Variants in AGPAT4 observed in about 807,000 individuals in gnomAD.
AGPAT4 encodes 1-acyl-sn-glycerol-3-phosphate acyltransferase delta.
Under a neutral mutation model 48.0 loss-of-function variants are expected in AGPAT4, and 15 were observed. The ratio of observed to expected loss-of-function variants is 0.31; its 90% CI spans 0.21 to 0.48. AGPAT4 has a LOEUF of 0.48. Among genes scored for constraint, AGPAT4 ranks in the 20% least tolerant of loss-of-function variants. The pLI, the probability that AGPAT4 is intolerant of heterozygous loss-of-function variation, is 0.99. For synonymous variants in AGPAT4, 178 were observed against 198.7 expected (o/e 0.90, Z 0.88); for missense variants, 314 against 482.5 (o/e 0.65, Z 3.27).
In AGPAT4 at chr6:161,267,739, GA is replaced by G. The variant is rs1783306385; in HGVS notation, c.-90+6198del. Among the ~76,000 whole-genome samples the G allele has an allele frequency of 6.6e-6, 1 of 151,700 alleles. No individual in the cohort carries two copies. Among genetic ancestry groups the G allele is most frequent in the Non-Finnish European group, 1.5e-5 (1 of 67,924 alleles). ...CTCTGTCTCAAAAAAAAAAAGAAAA[GA>G]AAAATATTAGCTGGGCATGTTAGTA... On this transcript the variant is annotated intron_variant, in intron 1 of 8. Transcript: ENST00000320285. The surrounding 1 kb of genome is among the most constrained non-coding windows in gnomAD (Gnocchi z 5.2).
In AGPAT4 at chr6:161,255,056, T is replaced by C. The variant is rs1450423178; in HGVS notation, c.-90+18882A>G. ...TTACACAGCCCTTCTGAAGCAAAGATACACTAAGTCTAGACAGGCCCTGGT... is the reference window on the plus strand; with the variant it reads ...TTACACAGCCCTTCTGAAGCAAAGACACACTAAGTCTAGACAGGCCCTGGT... On this transcript the variant is annotated intron_variant, in intron 1 of 8. Transcript: ENST00000320285. The surrounding 1 kb of genome is among the most constrained non-coding windows in gnomAD (Gnocchi z 4.7). 6.6e-6 allele frequency among the ~76,000 whole-genome samples: 1 copy of C among 152,170 alleles called. No homozygotes were observed. Among genetic ancestry groups the C allele is most frequent in the Non-Finnish European group, 1.5e-5 (1 of 68,028 alleles).
At position 161,178,103 on chromosome 6, in the gene AGPAT4, C is replaced by T. The variant is rs1164090933; in HGVS notation, c.179-11686G>A. 6.6e-6 allele frequency among the ~76,000 whole-genome samples: 1 copy of T among 152,186 alleles called. No individual in the cohort carries two copies. The highest frequency in any genetic ancestry group is 2.4e-5 in the African/African-American group (1 of 41,446). ...AGTTAGGCTACTCGGGGGTCAGGGA[C>T]CCACTTGAGGAGGCAGTCTGTCCAT... On this transcript the variant is annotated intron_variant, in intron 2 of 8. Coordinates refer to ENST00000320285, the MANE Select transcript of AGPAT4 (RefSeq NM_020133.3). This position sits in a 1 kb window ranked among gnomAD's most constrained non-coding sequence, Gnocchi z 5.1.
At chr6:161,186,654 C>T (rs531295761) in intron 2 of AGPAT4, among the ~76,000 whole-genome samples, 21 of 152,240 alleles carry the variant, frequency 1.4e-4, no homozygotes, top group African/African-American at 3.9e-4. Context: ...CTGCTGGCTC[C>T]GCACGATCAA....
Position 161,238,880 on chromosome 6 carries a change from T to C in AGPAT4, c.-89-6578A>G, listed in dbSNP as rs1782394709. Among the ~76,000 whole-genome samples the C allele has an allele frequency of 6.6e-6, 1 of 152,224 alleles. No homozygotes were observed. Among genetic ancestry groups the C allele is most frequent in the Admixed American group, 6.5e-5 (1 of 15,274 alleles). On this transcript the variant is annotated intron_variant, in intron 1 of 8. Transcript: ENST00000320285. This position sits in a 1 kb window ranked among gnomAD's most constrained non-coding sequence, Gnocchi z 5.2. ...CTGTCAGCATGTGAAGAAGGTTGCG[T>C]TTGCTTCCCCTTCTGCCATGATTGT...
At chr6:161,193,915 C>G (rs561751002) in intron 2 of AGPAT4, among the ~76,000 whole-genome samples, 1 of 152,300 alleles carries the variant, frequency 6.6e-6, no homozygotes, top group African/African-American at 2.4e-5. Flanking sequence ...ATAACCTAAG[C>G]TGCCATATCA....
chr6:161,190,193 T>A (rs979072054), intron 2 of AGPAT4, among the ~76,000 whole-genome samples: 17 of 152,186 alleles, frequency 1.1e-4, no homozygotes, highest in African/African-American at 4.1e-4. Flanking sequence ...CAGGACATTG[T>A]CTTCATGGGC....
In AGPAT4 at chr6:161,143,750, A is replaced by T. The variant is rs1452706275; in HGVS notation, c.843+2774T>A. ...ACTCAAAGGATGGCCCTGTTTTCAGAGATGGTGCCTTTCCCATATTAAAGA... is the reference window on the plus strand; with the variant it reads ...ACTCAAAGGATGGCCCTGTTTTCAGTGATGGTGCCTTTCCCATATTAAAGA... On this transcript the variant is annotated intron_variant, in intron 7 of 8. Transcript: ENST00000320285. This position sits in a 1 kb window ranked among gnomAD's most constrained non-coding sequence, Gnocchi z 4.7. Among the ~76,000 whole-genome samples the T allele has an allele frequency of 6.6e-6, 1 of 152,218 alleles. No individual in the cohort carries two copies. The highest frequency in any genetic ancestry group is 6.5e-5 in the Admixed American group (1 of 15,286).
intron 2 of AGPAT4, among the ~76,000 whole-genome samples, chr6:161,227,791 G>T (rs1363666627): frequency 2.0e-5 from 3 of 152,188 alleles, no homozygotes; most frequent in Non-Finnish European, 4.4e-5. Flanking sequence ...CAGTAGTGTT[G>T]TAAGAGGCAA....
At chr6:161,252,845 C>T (rs1582911038) in intron 1 of AGPAT4, among the ~76,000 whole-genome samples, 1 of 151,770 alleles carries the variant, frequency 6.6e-6, no homozygotes, top group African/African-American at 2.4e-5. Flanking sequence ...CAGAACAGAA[C>T]GACTTAGGAG....
At position 161,144,599 on chromosome 6, in the gene AGPAT4, G is replaced by A. The variant is rs549657323; in HGVS notation, c.843+1925C>T. On this transcript the variant is annotated intron_variant, in intron 7 of 8. Coordinates refer to ENST00000320285, the MANE Select transcript of AGPAT4 (RefSeq NM_020133.3). This position sits in a 1 kb window ranked among gnomAD's most constrained non-coding sequence, Gnocchi z 6.6. ...TGCCTTGATGGGCTTGAGGGCCCAC[G>A]TTTATTGTAGATTTGTTTGTGTGGC... Among the ~76,000 whole-genome samples, 9 of 152,250 alleles carry A rather than the reference G, an allele frequency of 5.9e-5. No homozygotes were observed. Among genetic ancestry groups the A allele is most frequent in the East Asian group, 5.8e-4 (3 of 5,182 alleles).
Position 161,225,544 on chromosome 6 carries a change from GGA to G in AGPAT4, c.178+6490_178+6491del, listed in dbSNP as rs1259608550. 3.9e-5 allele frequency among the ~76,000 whole-genome samples: 6 copies of G among 152,192 alleles called. No individual in the cohort carries two copies. The highest frequency in any genetic ancestry group is 1.4e-4 in the African/African-American group (6 of 41,456). On this transcript the variant is annotated intron_variant, in intron 2 of 8. Coordinates refer to ENST00000320285, the MANE Select transcript of AGPAT4 (RefSeq NM_020133.3). This position sits in a 1 kb window ranked among gnomAD's most constrained non-coding sequence, Gnocchi z 5.0. ...CCCTGTCACTTCCTGAGGTCTCCCA[GGA>G]GATACACCCCTTAGAACTAGAAAAG...
In AGPAT4 at chr6:161,206,026, G is replaced by A. The variant is rs957902141; in HGVS notation, c.178+26010C>T. Among the ~76,000 whole-genome samples the A allele has an allele frequency of 3.3e-5, 5 of 152,046 alleles. No individual in the cohort carries two copies. The highest frequency in any genetic ancestry group is 7.4e-5 in the Non-Finnish European group (5 of 68,006). On this transcript the variant is annotated intron_variant, in intron 2 of 8. Transcript: ENST00000320285. The surrounding 1 kb of genome is among the most constrained non-coding windows in gnomAD (Gnocchi z 4.8). ...CTCGGGATCTGAGGAACGACATGGT[G>A]GTGAACTCTTTGTACTCGTATGTTT... is the stretch of plus-strand genomic sequence containing the variant.
rs1210225314 is a variant in AGPAT4, at chr6:161,146,602, G to A, written c.768-3C>T. 2 of 1,614,034 alleles carry A rather than the reference G, an allele frequency of 1.2e-6. No homozygotes were observed. Among genetic ancestry groups the A allele is most frequent in the African/African-American group, 1.3e-5 (1 of 75,046 alleles). On this transcript the variant is annotated splice_polypyrimidine_tract_variant and splice_region_variant and intron_variant, in intron 6 of 8. Coordinates refer to ENST00000320285, the MANE Select transcript of AGPAT4 (RefSeq NM_020133.3). This position sits in a 1 kb window ranked among gnomAD's most constrained non-coding sequence, Gnocchi z 7.1. ...GGATGTCTTCCAGTGGGATCCTCCT[G>A]CAAAGGCAGAGAGCAGCTAGCAGAG...
chr6:161,210,902 T>C (rs1489621208), intron 2 of AGPAT4, among the ~76,000 whole-genome samples: 1 of 152,214 alleles, frequency 6.6e-6, no homozygotes, highest in East Asian at 1.9e-4. Context: ...TTTAGTAAGA[T>C]TACTGTAACT....
rs1035680561 is a variant in AGPAT4 at position 161,132,411 on chromosome 6, G to A, written c.*4129C>T. 2 of 152,238 alleles carry A rather than the reference G, an allele frequency of 1.3e-5. No homozygotes were observed. The highest frequency in any genetic ancestry group is 4.8e-5 in the African/African-American group (2 of 41,456). 9.4% of individuals were successfully genotyped at this position (152,238 alleles called of 1,614,324 possible). A position where few individuals can be genotyped will look rare whatever the true frequency, so the allele number is the denominator to read the frequency against. ...GGCAAAGAATGAGCCCAGAGCCTGAGATTCAAGATGCTGGTCTCTTCTGAA... is the reference window on the plus strand; with the variant it reads ...GGCAAAGAATGAGCCCAGAGCCTGAAATTCAAGATGCTGGTCTCTTCTGAA... On this transcript the variant is annotated 3_prime_UTR_variant, in exon 9 of 9. Transcript: ENST00000320285.
rs1393213579 is a variant in AGPAT4 at position 161,217,520 on chromosome 6, G to T, written c.178+14516C>A. Among the ~76,000 whole-genome samples the T allele has an allele frequency of 6.6e-6, 1 of 152,174 alleles. No homozygotes were observed. The highest frequency in any genetic ancestry group is 1.9e-4 in the East Asian group (1 of 5,186). On this transcript the variant is annotated intron_variant, in intron 2 of 8. Coordinates refer to ENST00000320285, the MANE Select transcript of AGPAT4 (RefSeq NM_020133.3). The surrounding 1 kb of genome is among the most constrained non-coding windows in gnomAD (Gnocchi z 4.9). Reference sequence around the variant, plus strand: ...CCTGGGGGAGTCCATCAGGTGCATGGTAATCCAGTATGAAGGCATTGGCGT... The same window carrying T: ...CCTGGGGGAGTCCATCAGGTGCATGTTAATCCAGTATGAAGGCATTGGCGT...
At position 161,217,957 on chromosome 6, in the gene AGPAT4, C is replaced by T. The variant is rs1201484587; in HGVS notation, c.178+14079G>A. ...ACTGGGTTGAAGGACAAGGTCTCTT[C>T]CTCATCTCCCAACTCACCTTGTAGC... is the stretch of plus-strand genomic sequence containing the variant. On this transcript the variant is annotated intron_variant, in intron 2 of 8. Transcript: ENST00000320285. This position sits in a 1 kb window ranked among gnomAD's most constrained non-coding sequence, Gnocchi z 4.9. 2.0e-5 allele frequency among the ~76,000 whole-genome samples: 3 copies of T among 152,246 alleles called. No individual in the cohort carries two copies. In the South Asian group the frequency reaches 6.2e-4, roughly 31 times the overall value.
At chr6:161,174,508 C>T (rs1239564860) in intron 2 of AGPAT4, among the ~76,000 whole-genome samples, 1 of 152,190 alleles carries the variant, frequency 6.6e-6, no homozygotes, top group Admixed American at 6.5e-5. Context: ...TATCCTGAGA[C>T]TTTGCTGACG....
intron 1 of AGPAT4, among the ~76,000 whole-genome samples, chr6:161,265,848 T>A (rs1464354052): frequency 6.6e-6 from 1 of 152,210 alleles, no homozygotes; most frequent in Non-Finnish European, 1.5e-5. Context: ...CAGAAAGCAC[T>A]AAATATTTGA....
Sources: allele counts gnomAD v4.1 joint callset (sites outside exome capture counted in the v4.1 genomes callset), GRCh38; gene constraint gnomAD v4.1.1; non-coding constraint Gnocchi (gnomAD v3.1); transcripts MANE v1.5; gene names NCBI Gene and HGNC (gene_info 2026-07-23, HGNC 2026-07-21).